Variants in PAX7 observed in about 807,000 individuals in gnomAD.
PAX7 encodes the protein paired box 7.
PAX7 carries 18 observed loss-of-function variants against 50.7 expected under a neutral mutation model. The ratio of observed to expected loss-of-function variants is 0.36; its 90% CI spans 0.25 to 0.53. The LOEUF is 0.53. Among genes scored for constraint, PAX7 ranks in the 20% least tolerant of loss-of-function variants. The pLI, the probability that PAX7 is intolerant of heterozygous loss-of-function variation, is 0.93. For missense variants in PAX7, 644 were observed against 702.9 expected, an observed-to-expected ratio of 0.92 and a Z score of 0.95; for synonymous variants, 310 against 290.4, an observed-to-expected ratio of 1.07 and a Z score of -0.69.
intron 7 of PAX7, among the ~76,000 whole-genome samples, chr1:18,718,405 C>A (rs867086601): frequency 6.6e-6 from 1 of 152,174 alleles, no homozygotes; most frequent in Admixed American, 6.5e-5. Context: ...TTTGCAGACT[C>A]CACCCTGAGA....
At chr1:18,639,122 C>T (rs186723994) in intron 4 of PAX7, among the ~76,000 whole-genome samples, 10 of 152,232 alleles carry the variant, frequency 6.6e-5, no homozygotes, top group East Asian at 1.9e-4. Context: ...TCCTATCGTC[C>T]GCTTGGCATT....
At chr1:18,644,145 G>A (rs1570113824) in intron 4 of PAX7, among the ~76,000 whole-genome samples, 1 of 152,222 alleles carries the variant, frequency 6.6e-6, no homozygotes, top group South Asian at 2.1e-4. Context: ...GGCAACCCAG[G>A]GCGAGCTGAA....
At chr1:18,738,622 AC>A (rs906259295) in intron 8 of PAX7, among the ~76,000 whole-genome samples, 9 of 131,310 alleles carry the variant, frequency 6.9e-5, no homozygotes, top group Admixed American at 6.5e-4. Context: ...TTCCAGCTCC[AC>A]CCCTGCTGCC....
At chr1:18,640,779 G>C (rs988334181) in intron 4 of PAX7, among the ~76,000 whole-genome samples, 3 of 151,700 alleles carry the variant, frequency 2.0e-5, no homozygotes, top group Non-Finnish European at 4.4e-5. Context: ...AGCGCTCGGC[G>C]GTGGATATCC....
intron 7 of PAX7, among the ~76,000 whole-genome samples, chr1:18,725,003 T>TG (rs144514057): frequency 1.2e-3 from 178 of 152,260 alleles, no homozygotes; most frequent in African/African-American, 4.1e-3. Flanking sequence ...ACAAAGTAGG[T>TG]GATGGGCACA....
chr1:18,725,327 G>A (rs1181961693), intron 7 of PAX7, among the ~76,000 whole-genome samples: 10 of 101,162 alleles, frequency 9.9e-5, no homozygotes, highest in African/African-American at 1.4e-4. Context: ...CACCAACACC[G>A]CCAGGCCAGG....
At chr1:18,714,427 C>G (rs2089393037) in intron 7 of PAX7, among the ~76,000 whole-genome samples, 2 of 152,192 alleles carry the variant, frequency 1.3e-5, no homozygotes, top group East Asian at 3.9e-4. Flanking sequence ...CTAGTAAGAG[C>G]TTAAGACAAT....
intron 7 of PAX7, among the ~76,000 whole-genome samples, chr1:18,733,280 C>A (rs573325120): frequency 6.5e-4 from 99 of 152,240 alleles, no homozygotes; most frequent in African/African-American, 2.3e-3. Flanking sequence ...TTGACCCGAC[C>A]ACAACAAAGA....
intron 5 of PAX7, among the ~76,000 whole-genome samples, chr1:18,693,479 A>C (rs911165177): frequency 6.6e-6 from 1 of 152,164 alleles, no homozygotes; most frequent in Non-Finnish European, 1.5e-5. Flanking sequence ...CTTTCCATCC[A>C]GGGAAATGAA....
intron 5 of PAX7, among the ~76,000 whole-genome samples, chr1:18,695,597 C>G (rs997286477): frequency 4.6e-5 from 7 of 152,218 alleles, no homozygotes; most frequent in African/African-American, 1.7e-4. Context: ...CCTGTAACAC[C>G]TCTGCCTCAG....
At chr1:18,686,855 G>A (rs1412744000) in intron 4 of PAX7, among the ~76,000 whole-genome samples, 3 of 151,314 alleles carry the variant, frequency 2.0e-5, no homozygotes, top group Non-Finnish European at 2.9e-5. Flanking sequence ...CCTTGAAGTT[G>A]CAAATTACTC....
chr1:18,700,504 A>G lies in PAX7; in HGVS notation c.787-149A>G, dbSNP rs1423336580. 5.0e-6 allele frequency: 3 copies of G among 599,538 alleles called. No homozygotes were observed. The highest frequency in any genetic ancestry group is 8.0e-6 in the Non-Finnish European group (3 of 373,366). 37.1% of individuals were successfully genotyped at this position (599,538 alleles called of 1,614,324 possible). Reference sequence around the variant, plus strand: ...TCATACCTATGAAATCACTCTGCAAAGCGTCCTGTGCTGCACAATGCCGGG... The same window carrying G: ...TCATACCTATGAAATCACTCTGCAAGGCGTCCTGTGCTGCACAATGCCGGG... On this transcript the variant is annotated intron_variant, in intron 5 of 8. Transcript: ENST00000420770. The surrounding 1 kb of genome is among the most constrained non-coding windows in gnomAD (Gnocchi z 4.8).
At chr1:18,698,027 G>T (rs1317971575) in intron 5 of PAX7, among the ~76,000 whole-genome samples, 2 of 152,076 alleles carry the variant, frequency 1.3e-5, no homozygotes, top group Non-Finnish European at 2.9e-5. Context: ...GGGAAGGGAA[G>T]GAGGAAGAAT....
At chr1:18,647,242 T>G (rs989531135) in intron 4 of PAX7, among the ~76,000 whole-genome samples, 3 of 152,164 alleles carry the variant, frequency 2.0e-5, no homozygotes, top group Non-Finnish European at 2.9e-5. Flanking sequence ...CACTGCCGCC[T>G]GGGCTGGGTT....
At chr1:18,674,946 C>G (rs932096192) in intron 4 of PAX7, among the ~76,000 whole-genome samples, 1 of 152,178 alleles carries the variant, frequency 6.6e-6, no homozygotes, top group African/African-American at 2.4e-5. Context: ...CAGAGGCCCT[C>G]TAGGTGATTC....
intron 4 of PAX7, among the ~76,000 whole-genome samples, chr1:18,686,019 C>T (rs2088969204): frequency 6.6e-6 from 1 of 152,206 alleles, no homozygotes; most frequent in South Asian, 2.1e-4. Flanking sequence ...AAATGGCTCC[C>T]AGCACCTTCC....
chr1:18,695,886 A>G (rs562840429), intron 5 of PAX7, among the ~76,000 whole-genome samples: 1 of 152,190 alleles, frequency 6.6e-6, no homozygotes, highest in South Asian at 2.1e-4. Flanking sequence ...CCAGGAAACT[A>G]GGGCAGTGTA....
chr1:18,649,775 T>C (rs2088403330), intron 4 of PAX7, among the ~76,000 whole-genome samples: 1 of 152,112 alleles, frequency 6.6e-6, no homozygotes, highest in South Asian at 2.1e-4. Context: ...GAATCACAGA[T>C]TGTGGTTAGG....
At chr1:18,640,420 T>G (rs1338479394) in intron 4 of PAX7, among the ~76,000 whole-genome samples, 5 of 149,560 alleles carry the variant, frequency 3.3e-5, no homozygotes, top group Non-Finnish European at 1.5e-5. Context: ...CACCATTTTT[T>G]CGGCTTCACA....
Sources: allele counts gnomAD v4.1 joint callset (sites outside exome capture counted in the v4.1 genomes callset), GRCh38; gene constraint gnomAD v4.1.1; non-coding constraint Gnocchi (gnomAD v3.1); transcripts MANE v1.5; gene names NCBI Gene and HGNC (gene_info 2026-07-23, HGNC 2026-07-21).